MYMK: variants seen among roughly 807,000 people sequenced by gnomAD.
The protein encoded by MYMK is protein myomaker.
MYMK carries 16 observed loss-of-function variants against 22.4 expected under a neutral mutation model. The ratio of observed to expected loss-of-function variants is 0.72; its 90% CI spans 0.48 to 1.09. The LOEUF (loss-of-function observed/expected upper bound fraction) is 1.09. MYMK is among the 50% of genes least tolerant of loss of function. The pLI, the probability that MYMK is intolerant of heterozygous loss-of-function variation, is 0.00. For synonymous variants in MYMK, 125 were observed against 127.0 expected, an observed-to-expected ratio of 0.98 and a Z score of 0.11; for missense variants, 250 against 295.6, an observed-to-expected ratio of 0.85 and a Z score of 1.13.
chr9:133,524,567 C>T lies in MYMK; in HGVS notation c.135+143G>A. 5 of 1,267,242 alleles carry T rather than the reference C, an allele frequency of 3.9e-6. No individual in the cohort carries two copies. The South Asian group carries it at 5.7e-5, about 14-fold the overall frequency. The allele number at this position is 1,267,242 out of a possible 1,614,324, so 78.5% of individuals were successfully genotyped here. ...ACTCCCCTAGTCCTCTCTCTTCAGT[C>T]TCCAGACCCCACCTGGGCCTGCTGT... On this transcript the variant is annotated intron_variant, in intron 1 of 4. Transcript: ENST00000339996.
chr9:133,524,699 C>T lies in MYMK; in HGVS notation c.135+11G>A. ...GCCTGTGTGGGACTTCCTCCCAGCC[C>T]CCAGACTCACCGCCACGAAGAACAG... is the stretch of plus-strand genomic sequence containing the variant. On this transcript the variant is annotated intron_variant, in intron 1 of 4. Coordinates refer to ENST00000339996, the MANE Select transcript of MYMK (RefSeq NM_001080483.3). 6.2e-7 allele frequency: 1 copy of T among 1,614,118 alleles called. No homozygotes were observed. The highest frequency in any genetic ancestry group is 1.1e-5 in the South Asian group (1 of 91,082).
Position 133,524,899 on chromosome 9 carries a change from C to T in MYMK, c.-55G>A. ...GGGAGGGTGCTGGTGTCCCAGGTCCCCAGCACAGGAGCACGAAGTGGGAAG... is the reference window on the plus strand; with the variant it reads ...GGGAGGGTGCTGGTGTCCCAGGTCCTCAGCACAGGAGCACGAAGTGGGAAG... On this transcript the variant is annotated 5_prime_UTR_variant, in exon 1 of 5. Transcript: ENST00000339996. The T allele has an allele frequency of 1.3e-6, 2 of 1,547,570 alleles. No homozygotes were observed. The highest frequency in any genetic ancestry group is 2.5e-5 in the South Asian group (2 of 80,694).
intron 2 of MYMK, among the ~76,000 whole-genome samples, chr9:133,519,319 T>A: frequency 6.6e-6 from 1 of 151,846 alleles, no homozygotes; most frequent in South Asian, 2.1e-4. Flanking sequence ...GCAATCCCAG[T>A]GCTTTGGGAG....
intron 1 of MYMK, among the ~76,000 whole-genome samples, chr9:133,523,388 C>T (rs62576046): frequency 3.5e-4 from 53 of 152,010 alleles, no homozygotes; most frequent in Non-Finnish European, 7.2e-4. Flanking sequence ...CAGCACTGCC[C>T]CAAGAAGGAG....
chr9:133,514,924 G>A (rs960629600), intron 4 of MYMK, 139 bp from the exon 5 acceptor site: 15 of 935,588 alleles, frequency 1.6e-5, no homozygotes, highest in East Asian at 8.0e-5. Flanking sequence ...CCCCACGGTC[G>A]CGCTCACAGT....
At chr9:133,518,128 T>A (rs955614862) in intron 3 of MYMK, among the ~76,000 whole-genome samples, 2 of 152,150 alleles carry the variant, frequency 1.3e-5, no homozygotes, top group African/African-American at 4.8e-5. Flanking sequence ...AAGGGTGAGC[T>A]CCCTCCTGCT....
At chr9:133,520,142 G>A (rs765254292) in intron 2 of MYMK, 32 bp downstream of exon 2, 20 of 1,579,376 alleles carry the variant, frequency 1.3e-5, no homozygotes, top group Middle Eastern at 3.3e-4. Flanking sequence ...GTCCTTGTCC[G>A]CAAGGCTTGT....
chr9:133,522,034 C>A (rs543406043), intron 1 of MYMK, among the ~76,000 whole-genome samples: 3 of 152,356 alleles, frequency 2.0e-5, no homozygotes, highest in African/African-American at 7.2e-5. Context: ...TTCTAAAGGA[C>A]AGCCAGCTCA....
intron 3 of MYMK, among the ~76,000 whole-genome samples, chr9:133,516,507 C>T (rs1466710563): frequency 1.3e-5 from 2 of 152,340 alleles, no homozygotes; most frequent in South Asian, 4.1e-4. Flanking sequence ...GTGGGGGCAG[C>T]ACCCCATAAC....
intron 3 of MYMK, among the ~76,000 whole-genome samples, chr9:133,517,120 C>T (rs1355404539): frequency 6.6e-6 from 1 of 152,168 alleles, no homozygotes; most frequent in Non-Finnish European, 1.5e-5. Context: ...AATTACAGTT[C>T]AGCCCAGTTC....
chr9:133,524,891 CCAGGTCCCCAGCA>C lies in MYMK; in HGVS notation c.-60_-48del. ...CTGGGGTGGGGAGGGTGCTGGTGTCCCAGGTCCCCAGCACAGGAGCACGAAGTGGGAAGGCCAG... is the reference window on the plus strand; with the variant it reads ...CTGGGGTGGGGAGGGTGCTGGTGTCCCAGGAGCACGAAGTGGGAAGGCCAG... On this transcript the variant is annotated 5_prime_UTR_variant, in exon 1 of 5. Transcript: ENST00000339996. 6.4e-7 allele frequency: 1 copy of C among 1,562,238 alleles called. No individual in the cohort carries two copies. Among genetic ancestry groups the C allele is most frequent in the Non-Finnish European group, 8.7e-7 (1 of 1,155,048 alleles).
At position 133,518,970 on chromosome 9, in the gene MYMK, G is replaced by A; in HGVS notation, c.303C>T (p.Val101=). 1 of 1,614,034 alleles carries A rather than the reference G, an allele frequency of 6.2e-7. No homozygotes were observed. The highest frequency in any genetic ancestry group is 8.5e-7 in the Non-Finnish European group (1 of 1,180,032). The stretch of plus-strand genomic sequence containing the variant: ...GGTAGATCCGCACAGCAATGGTCAG[G>A]ACGCCGAACATCACAAATGTTGACC... The part of the protein sequence containing the change: ...PKRSTFVMFG[V]LTIAVRIYHD... Residue 101 remains valine, a synonymous_variant, in exon 3 of 5, where the codon GTC becomes GTT. Transcript: ENST00000339996.
chr9:133,521,487 G>A (rs1221666890), intron 1 of MYMK, among the ~76,000 whole-genome samples: 2 of 152,116 alleles, frequency 1.3e-5, no homozygotes, highest in East Asian at 3.9e-4. Context: ...AATTGTACAC[G>A]GCCTAAAGTG....
At chr9:133,521,202 G>A (rs1317892409) in intron 1 of MYMK, among the ~76,000 whole-genome samples, 3 of 152,222 alleles carry the variant, frequency 2.0e-5, no homozygotes, top group South Asian at 2.1e-4. Context: ...ACTTTTCTAC[G>A]GAAAACAACT....
chr9:133,522,841 G>A (rs1844716818), intron 1 of MYMK, among the ~76,000 whole-genome samples: 3 of 152,240 alleles, frequency 2.0e-5, no homozygotes, highest in Admixed American at 6.5e-5. Flanking sequence ...AGTGGCATTT[G>A]GGTGAGTCAG....
intron 2 of MYMK, 92 bp from the exon 3 acceptor site, chr9:133,519,114 T>G: frequency 6.9e-7 from 1 of 1,449,416 alleles, no homozygotes; most frequent in Admixed American, 2.0e-5. Context: ...GGAGGCATCC[T>G]GTAGATGCCC....
At position 133,524,698 on chromosome 9, in the gene MYMK, C is replaced by T; in HGVS notation, c.135+12G>A. On this transcript the variant is annotated intron_variant, in intron 1 of 4. Coordinates refer to ENST00000339996, the MANE Select transcript of MYMK (RefSeq NM_001080483.3). ...GGCCTGTGTGGGACTTCCTCCCAGC[C>T]CCCAGACTCACCGCCACGAAGAACA... The T allele has an allele frequency of 3.7e-6, 6 of 1,614,156 alleles. No homozygotes were observed. Among genetic ancestry groups the T allele is most frequent in the Non-Finnish European group, 5.1e-6 (6 of 1,180,028 alleles).
At chr9:133,517,528 T>C (rs1305241075) in intron 3 of MYMK, among the ~76,000 whole-genome samples, 1 of 152,032 alleles carries the variant, frequency 6.6e-6, no homozygotes, top group Non-Finnish European at 1.5e-5. Context: ...TACCTGGGCG[T>C]GATGGCATGC....
intron 3 of MYMK, among the ~76,000 whole-genome samples, chr9:133,516,976 GACA>G (rs1844637916): frequency 6.6e-6 from 1 of 152,148 alleles, no homozygotes; most frequent in Non-Finnish European, 1.5e-5. Context: ...TGGTCTAGAA[GACA>G]ACAATTTGAG....
Sources: allele counts gnomAD v4.1 joint callset (sites outside exome capture counted in the v4.1 genomes callset), GRCh38; gene constraint gnomAD v4.1.1; transcripts MANE v1.5; gene names NCBI Gene and HGNC (gene_info 2026-07-23, HGNC 2026-07-21).